RBP2: variants seen among roughly 807,000 people sequenced by gnomAD.
RBP2 encodes the protein retinol binding protein 2.
In RBP2, 17 loss-of-function variants were observed where a neutral mutation model predicts 17.0. The observed-to-expected ratio is 1.00, with a 90% CI of 0.68 to 1.50. The LOEUF is 1.50. RBP2 is among the 40% of genes most tolerant of loss of function. RBP2 has a pLI of 0.00. For missense variants in RBP2, 158 were observed against 168.2 expected (o/e 0.94, Z 0.33); for synonymous variants, 48 against 57.1 (o/e 0.84, Z 0.72).
At chr3:139,463,560 G>A (rs537935592) in intron 1 of RBP2, among the ~76,000 whole-genome samples, 19 of 152,300 alleles carry the variant, frequency 1.2e-4, no homozygotes, top group South Asian at 2.1e-4. Flanking sequence ...CAAACCGAAG[G>A]AGTGTTGAAT....
intron 1 of RBP2, among the ~76,000 whole-genome samples, chr3:139,468,820 A>G (rs1018685792): frequency 2.0e-5 from 3 of 152,190 alleles, no homozygotes; most frequent in African/African-American, 7.2e-5. Flanking sequence ...AGTCTGATTT[A>G]TAGCCAGGTG....
chr3:139,467,832 A>G (rs1453316795), intron 1 of RBP2, among the ~76,000 whole-genome samples: 1 of 152,112 alleles, frequency 6.6e-6, no homozygotes, highest in Non-Finnish European at 1.5e-5. Flanking sequence ...AGAAGTGGGA[A>G]TGGTGGCTGA....
chr3:139,468,629 G>T (rs1299255430), intron 1 of RBP2, among the ~76,000 whole-genome samples: 2 of 152,054 alleles, frequency 1.3e-5, no homozygotes, highest in Non-Finnish European at 2.9e-5. Context: ...AATCAAAAGG[G>T]TTTAACTGAG....
chr3:139,468,713 C>T (rs963008798), intron 1 of RBP2, among the ~76,000 whole-genome samples: 7 of 152,110 alleles, frequency 4.6e-5, no homozygotes, highest in South Asian at 2.1e-4. Context: ...ACTTCCTCTT[C>T]GTACTTTGCA....
intron 2 of RBP2, among the ~76,000 whole-genome samples, chr3:139,460,465 A>G (rs1933148456): frequency 6.6e-6 from 1 of 152,224 alleles, no homozygotes; most frequent in African/African-American, 2.4e-5. Context: ...TATCAATGCT[A>G]CAGGACAACT....
At chr3:139,461,772 C>T (rs903681543) in intron 2 of RBP2, among the ~76,000 whole-genome samples, 3 of 152,200 alleles carry the variant, frequency 2.0e-5, no homozygotes, top group Non-Finnish European at 2.9e-5. Flanking sequence ...GGGCTGCCAC[C>T]TTTCCATGTG....
rs1453197331 is a variant in RBP2 at position 139,467,875 on chromosome 3, C to G, written c.74-5585G>C. Among the ~76,000 whole-genome samples the G allele has an allele frequency of 2.6e-5, 4 of 152,112 alleles. No homozygotes were observed. In the East Asian group the frequency reaches 7.7e-4, roughly 29 times the overall value. ...TCTTACTGTCATAGACTTGGTCTGT[C>G]CCATAGGCATTTTATCCAGCCTGGC... is the stretch of plus-strand genomic sequence containing the variant. On this transcript the variant is annotated intron_variant, in intron 1 of 3. Coordinates refer to ENST00000232217, the MANE Select transcript of RBP2 (RefSeq NM_004164.3).
Position 139,453,069 on chromosome 3 carries a change from G to A in RBP2, c.*47C>T, listed in dbSNP as rs776863237. 6.2e-7 allele frequency: 1 copy of A among 1,609,456 alleles called. No homozygotes were observed. On this transcript the variant is annotated 3_prime_UTR_variant, in exon 4 of 4. Coordinates refer to ENST00000232217, the MANE Select transcript of RBP2 (RefSeq NM_004164.3). The stretch of plus-strand genomic sequence containing the variant: ...TTTCTCAAAGCCAGTAGACCACTCA[G>A]TGTGGGCAGTGGGGAGCTTGTGCTT...
At chr3:139,461,131 C>T (rs1933173161) in intron 2 of RBP2, among the ~76,000 whole-genome samples, 1 of 152,148 alleles carries the variant, frequency 6.6e-6, no homozygotes. Flanking sequence ...GCACACTGAG[C>T]ATGAATGTGA....
intron 1 of RBP2, among the ~76,000 whole-genome samples, chr3:139,473,225 C>T (rs1933622425): frequency 2.6e-5 from 4 of 151,050 alleles, no homozygotes; most frequent in Admixed American, 2.6e-4. Flanking sequence ...TGACCCTTGG[C>T]TCACTCACCT....
At chr3:139,465,159 G>A (rs1367798449) in intron 1 of RBP2, among the ~76,000 whole-genome samples, 1 of 152,158 alleles carries the variant, frequency 6.6e-6, no homozygotes, top group Admixed American at 6.5e-5. Context: ...TCTGAGCTTG[G>A]ATGATCAAGA....
intron 1 of RBP2, chr3:139,466,602 A>G (rs1398935013): frequency 6.6e-6 from 1 of 152,206 alleles, no homozygotes; most frequent in Non-Finnish European, 1.5e-5. Flanking sequence ...GTCGCTGGAC[A>G]TTTGGTTCCA....
Position 139,454,807 on chromosome 3 carries a change from A to G in RBP2, c.276T>C (p.Asp92=), listed in dbSNP as rs1943367937. 6.2e-7 allele frequency: 1 copy of G among 1,614,190 alleles called. No homozygotes were observed. The highest frequency in any genetic ancestry group is 2.2e-5 in the East Asian group (1 of 44,880). ...CCCCCTTTTGCACACACACAAGGACATCACCTTCCCAGGTGACCAGTGCCT... is the reference window on the plus strand; with the variant it reads ...CCCCCTTTTGCACACACACAAGGACGTCACCTTCCCAGGTGACCAGTGCCT... ...HVKALVTWEG[D]VLVCVQKGEK... Residue 92 remains aspartate, a synonymous_variant, in exon 3 of 4, where the codon GAT becomes GAC. Coordinates refer to ENST00000232217, the MANE Select transcript of RBP2 (RefSeq NM_004164.3).
chr3:139,460,011 T>C (rs2118981), intron 2 of RBP2, among the ~76,000 whole-genome samples: 81,266 of 152,050 alleles, frequency 0.53, 24,655 homozygotes, highest in East Asian at 0.92. Flanking sequence ...CACGTGGAAT[T>C]CATTAAGGGC....
At chr3:139,470,269 G>A (rs114324914) in intron 1 of RBP2, among the ~76,000 whole-genome samples, 1 of 152,216 alleles carries the variant, frequency 6.6e-6, no homozygotes, top group African/African-American at 2.4e-5. Flanking sequence ...GCCTAAGCCT[G>A]GGACCCAAAT....
intron 1 of RBP2, among the ~76,000 whole-genome samples, chr3:139,463,625 G>A (rs1270328680): frequency 6.6e-6 from 1 of 152,224 alleles, no homozygotes; most frequent in African/African-American, 2.4e-5. Flanking sequence ...AGCATAAAAT[G>A]TGGCTCAACT....
rs369982977 is a variant in RBP2, at chr3:139,462,293, G to A, written c.74-3C>T. The A allele has an allele frequency of 6.8e-6, 11 of 1,613,834 alleles. No individual in the cohort carries two copies. Among genetic ancestry groups the A allele is most frequent in the Non-Finnish European group, 8.5e-6 (10 of 1,179,894 alleles). Reference sequence around the variant, plus strand: ...CTTGCGGGTGGCAAAATCAATATCTGTTGGCAAAGGGAGTTGTGGAGGTTA... The same window carrying A: ...CTTGCGGGTGGCAAAATCAATATCTATTGGCAAAGGGAGTTGTGGAGGTTA... On this transcript the variant is annotated splice_polypyrimidine_tract_variant and splice_region_variant and intron_variant, in intron 1 of 3. Transcript: ENST00000232217.
In RBP2 at chr3:139,466,265, C is replaced by G. The variant is rs960662972; in HGVS notation, c.74-3975G>C. Among the ~76,000 whole-genome samples the G allele has an allele frequency of 2.0e-5, 3 of 152,266 alleles. No homozygotes were observed. The East Asian group carries it at 5.8e-4, about 29-fold the overall frequency. ...GGAATATGCAGTCTGCCAGGTGTCC[C>G]GACACAACTTACTATGGAAAGGGCT... On this transcript the variant is annotated intron_variant, in intron 1 of 3. Coordinates refer to ENST00000232217, the MANE Select transcript of RBP2 (RefSeq NM_004164.3).
At chr3:139,467,338 A>T (rs1233369465) in intron 1 of RBP2, among the ~76,000 whole-genome samples, 1 of 152,190 alleles carries the variant, frequency 6.6e-6, no homozygotes, top group East Asian at 1.9e-4. Context: ...AATATAAATA[A>T]AAATAAAAGA....
Sources: allele counts gnomAD v4.1 joint callset (sites outside exome capture counted in the v4.1 genomes callset), GRCh38; gene constraint gnomAD v4.1.1; transcripts MANE v1.5; gene names NCBI Gene and HGNC (gene_info 2026-07-23, HGNC 2026-07-21).